The following CPLX2 variants were observed in gnomAD, a reference collection of about 807,000 sequenced individuals.
CPLX2 encodes the protein complexin 2.
Under a neutral mutation model 16.3 loss-of-function variants are expected in CPLX2, and 5 were observed. The observed-to-expected ratio is 0.31, with a 90% CI of 0.16 to 0.64. The LOEUF (loss-of-function observed/expected upper bound fraction) is 0.64. CPLX2 is among the 30% of genes least tolerant of loss of function. The probability of loss-of-function intolerance (pLI) is 0.79; values close to 1 mark genes in which losing one functional copy is unlikely to be tolerated. For synonymous variants in CPLX2, 89 were observed against 73.2 expected, an observed-to-expected ratio of 1.22 and a Z score of -1.10; for missense variants, 144 against 181.4, an observed-to-expected ratio of 0.79 and a Z score of 1.18.
chr5:175,872,081 G>C lies in CPLX2; in HGVS notation c.-89+376G>C, dbSNP rs1014858782. On this transcript the variant is annotated intron_variant, in intron 1 of 3. Coordinates refer to ENST00000393745, the MANE Select transcript of CPLX2 (RefSeq NM_001008220.2). The surrounding 1 kb of genome is among the most constrained non-coding windows in gnomAD (Gnocchi z 5.0). ...GAACCCAGAGAACAACTTTGAGCTC[G>C]CGGGAGTGGGGGACGTCGATCTAAG... is the stretch of plus-strand genomic sequence containing the variant. 5 of 152,228 alleles carry C rather than the reference G, an allele frequency of 3.3e-5. No homozygotes were observed. Among genetic ancestry groups the C allele is most frequent in the African/African-American group, 1.2e-4 (5 of 41,456 alleles). 9.4% of individuals were successfully genotyped at this position (152,228 alleles called of 1,614,324 possible).
At chr5:175,813,141 T>A (rs1758343541) in intron 2 of CPLX2, among the ~76,000 whole-genome samples, 1 of 152,232 alleles carries the variant, frequency 6.6e-6, no homozygotes, top group African/African-American at 2.4e-5. Flanking sequence ...TGACTTTAGC[T>A]GGTATACAGA....
At chr5:175,869,733 C>T (rs1285924700), upstream of CPLX2, among the ~76,000 whole-genome samples, 1 of 152,184 alleles carries the variant, frequency 6.6e-6, no homozygotes. Flanking sequence ...GACCTGATTT[C>T]CAGGTGCCCA....
chr5:175,866,023 G>A (rs1347927139), intron 2 of CPLX2, among the ~76,000 whole-genome samples: 1 of 152,214 alleles, frequency 6.6e-6, no homozygotes, highest in African/African-American at 2.4e-5. Context: ...CTATTTCCCT[G>A]TGGCTAAGGA....
In CPLX2 at chr5:175,830,438, G is replaced by A. The variant is rs778642087; in HGVS notation, c.-89+21370G>A. ...CCTGTCTCCTTCCCCGCCCCCGGAG[G>A]TGCGTGATGCCCCCACAGAGGAGAG... is the stretch of plus-strand genomic sequence containing the variant. On this transcript the variant is annotated intron_variant, in intron 2 of 4. Coordinates refer to the CPLX2 transcript ENST00000359546. This position sits in a 1 kb window ranked among gnomAD's most constrained non-coding sequence, Gnocchi z 4.0. Among the ~76,000 whole-genome samples, 1 of 152,210 alleles carries A rather than the reference G, an allele frequency of 6.6e-6. No homozygotes were observed. Among genetic ancestry groups the A allele is most frequent in the African/African-American group, 2.4e-5 (1 of 41,450 alleles).
intron 2 of CPLX2, among the ~76,000 whole-genome samples, chr5:175,850,812 G>A (rs772417287): frequency 3.9e-5 from 6 of 152,106 alleles, no homozygotes; most frequent in Non-Finnish European, 8.8e-5. Flanking sequence ...GTTCAGAGCT[G>A]GGCTCACTGA....
chr5:175,846,319 A>G (rs1759043590), intron 2 of CPLX2, among the ~76,000 whole-genome samples: 1 of 152,092 alleles, frequency 6.6e-6, no homozygotes, highest in South Asian at 2.1e-4. Context: ...TGAAGAGTCA[A>G]GAGGGCTGCG....
At chr5:175,854,870 A>G (rs538820166) in intron 2 of CPLX2, among the ~76,000 whole-genome samples, 1 of 152,268 alleles carries the variant, frequency 6.6e-6, no homozygotes, top group South Asian at 2.1e-4. Context: ...ACAAACATTT[A>G]CCAGGTACCC....
At chr5:175,839,935 C>A (rs1758916872) in intron 2 of CPLX2, among the ~76,000 whole-genome samples, 1 of 152,286 alleles carries the variant, frequency 6.6e-6, no homozygotes. Context: ...AAAGAAGTTT[C>A]TAGAAAACAA....
chr5:175,812,220 C>T (rs1443907245), intron 2 of CPLX2, among the ~76,000 whole-genome samples: 1 of 152,210 alleles, frequency 6.6e-6, no homozygotes. Context: ...CGGAGGGCAG[C>T]CAGCACAGCT....
intron 2 of CPLX2, among the ~76,000 whole-genome samples, chr5:175,834,602 G>A (rs1234412739): frequency 6.6e-6 from 1 of 152,194 alleles, no homozygotes; most frequent in East Asian, 1.9e-4. Context: ...GCTGGGTGTG[G>A]TGGCTCAAGC....
At chr5:175,860,344 C>T (rs1759337900) in intron 2 of CPLX2, among the ~76,000 whole-genome samples, 2 of 151,510 alleles carry the variant, frequency 1.3e-5, no homozygotes, top group South Asian at 2.1e-4. Context: ...ATCTCTTGAG[C>T]CCAGGAGGTT....
chr5:175,838,899 T>A lies in CPLX2; in HGVS notation c.-89+29831T>A, dbSNP rs185901608. The stretch of plus-strand genomic sequence containing the variant: ...AAATAGCTTTCTTCAGGGAGATGAC[T>A]TGGAGTTGGGACACCAAGATTTAAA... On this transcript the variant is annotated intron_variant, in intron 2 of 4. Coordinates refer to the CPLX2 transcript ENST00000359546. 4.7e-4 allele frequency among the ~76,000 whole-genome samples: 72 copies of A among 152,336 alleles called. 2 individuals are homozygous for A. In the East Asian group the frequency reaches 0.013, roughly 28 times the overall value.
chr5:175,822,837 G>A (rs540367214), intron 2 of CPLX2, among the ~76,000 whole-genome samples: 4 of 152,326 alleles, frequency 2.6e-5, no homozygotes, highest in South Asian at 2.1e-4. Flanking sequence ...GCTATCACAC[G>A]GACCCGTTAA....
intron 1 of CPLX2, among the ~76,000 whole-genome samples, chr5:175,797,102 G>C (rs1014172227): frequency 2.2e-4 from 33 of 152,176 alleles, no homozygotes; most frequent in Non-Finnish European, 7.4e-5. Context: ...GTTCCGCGCG[G>C]CTGCTAAGGA....
rs1439668419 is a variant in CPLX2 at position 175,883,409 on chromosome 5, G to C, written c.*3364G>C. 1 of 152,292 alleles carries C rather than the reference G, an allele frequency of 6.6e-6. No homozygotes were observed. The highest frequency in any genetic ancestry group is 1.5e-5 in the Non-Finnish European group (1 of 68,104). The allele number at this position is 152,292 out of a possible 1,614,324, so 9.4% of individuals were successfully genotyped here. A position where few individuals can be genotyped will look rare whatever the true frequency, so the allele number is the denominator to read the frequency against. On this transcript the variant is annotated 3_prime_UTR_variant, in exon 4 of 4. Coordinates refer to ENST00000393745, the MANE Select transcript of CPLX2 (RefSeq NM_001008220.2). ...CACCATCCCAGGTGTGTGTAAGAGA[G>C]AGAGAGAGAACAGGGAGGATACAGA...
At chr5:175,855,634 C>T (rs1052479332) in intron 2 of CPLX2, among the ~76,000 whole-genome samples, 12 of 152,172 alleles carry the variant, frequency 7.9e-5, no homozygotes, top group Non-Finnish European at 1.8e-4. Context: ...TCTTTCCACA[C>T]TGTGACCCTG....
In CPLX2 at chr5:175,879,973, G is replaced by GGAA; in HGVS notation, c.336_338dup (p.Glu114dup). On this transcript the variant is annotated inframe_insertion, in exon 4 of 4. Coordinates refer to ENST00000393745, the MANE Select transcript of CPLX2 (RefSeq NM_001008220.2). The stretch of plus-strand genomic sequence containing the variant: ...CGGGCTGCGGGGACGAGGAGGAGGA[G>GGAA]GAAGAGGAGAGCATCCTGGACACGG... 1 of 1,614,038 alleles carries GGAA rather than the reference G, an allele frequency of 6.2e-7. No homozygotes were observed. Among genetic ancestry groups the GGAA allele is most frequent in the Non-Finnish European group, 8.5e-7 (1 of 1,179,970 alleles).
rs1758176179 is a variant in CPLX2 at position 175,805,285 on chromosome 5, A to G, written c.-168-3704A>G. 2.6e-5 allele frequency among the ~76,000 whole-genome samples: 4 copies of G among 152,248 alleles called. No homozygotes were observed. The South Asian group carries it at 8.3e-4, about 32-fold the overall frequency. On this transcript the variant is annotated intron_variant, in intron 1 of 4. Transcript: ENST00000359546. ...ATCCATTTTTCAGAGAAAAAAATCTAGACTCAGGGATGAGGTGACTTGTCC... is the reference window on the plus strand; with the variant it reads ...ATCCATTTTTCAGAGAAAAAAATCTGGACTCAGGGATGAGGTGACTTGTCC...
intron 2 of CPLX2, among the ~76,000 whole-genome samples, chr5:175,832,788 C>A (rs1758756782): frequency 6.6e-6 from 1 of 152,164 alleles, no homozygotes; most frequent in East Asian, 1.9e-4. Flanking sequence ...AGGGAACATG[C>A]ATGGAGAGGA....
Sources: allele counts gnomAD v4.1 joint callset (sites outside exome capture counted in the v4.1 genomes callset), GRCh38; gene constraint gnomAD v4.1.1; non-coding constraint Gnocchi (gnomAD v3.1); transcripts MANE v1.5; gene names NCBI Gene and HGNC (gene_info 2026-07-23, HGNC 2026-07-21).